AMOTL1: variants seen among roughly 807,000 people sequenced by gnomAD.
AMOTL1 encodes angiomotin like 1, also known as angiomotin-like protein 1.
AMOTL1 carries 45 observed loss-of-function variants against 102.9 expected under a neutral mutation model. That is an observed-to-expected ratio of 0.44 (90% confidence interval 0.34 to 0.56). AMOTL1 has a LOEUF of 0.56. AMOTL1 is among the 20% of genes least tolerant of loss of function. The pLI is 0.01. For synonymous variants in AMOTL1, 481 were observed against 484.7 expected, an observed-to-expected ratio of 0.99 and a Z score of 0.10; for missense variants, 1,114 against 1,225.6, an observed-to-expected ratio of 0.91 and a Z score of 1.36.
chr11:94,848,990 T>C lies in AMOTL1; in HGVS notation c.1649-1124T>C, dbSNP rs1187935393. Among the ~76,000 whole-genome samples the C allele has an allele frequency of 2.0e-5, 3 of 152,172 alleles. No individual in the cohort carries two copies. In the East Asian group the frequency reaches 5.8e-4, roughly 29 times the overall value. On this transcript the variant is annotated intron_variant, in intron 6 of 12. Coordinates refer to ENST00000433060, the MANE Select transcript of AMOTL1 (RefSeq NM_130847.3). Reference sequence around the variant, plus strand: ...CAGACTTGGGTTCTCTATGGTTCAGTGTGGGTTGCTAGGATTGAGATAGCC... The same window carrying C: ...CAGACTTGGGTTCTCTATGGTTCAGCGTGGGTTGCTAGGATTGAGATAGCC...
intron 2 of AMOTL1, chr11:94,740,081 A>G (rs556140113): frequency 6.6e-6 from 1 of 152,254 alleles, no homozygotes; most frequent in Admixed American, 6.5e-5. Flanking sequence ...CGGTTTCCCA[A>G]CCTGTGCAAT....
intron 1 of AMOTL1, among the ~76,000 whole-genome samples, chr11:94,724,611 G>T (rs1240245509): frequency 1.3e-5 from 2 of 152,106 alleles, no homozygotes; most frequent in Admixed American, 6.6e-5. Flanking sequence ...TTGGTATGTT[G>T]TTCTGTAATG....
intron 3 of AMOTL1, among the ~76,000 whole-genome samples, chr11:94,820,984 C>T (rs1951854681): frequency 6.6e-6 from 1 of 152,200 alleles, no homozygotes. Flanking sequence ...CCCTAATAGG[C>T]CACAGATGTG....
At chr11:94,827,834 A>C (rs1951994342) in intron 4 of AMOTL1, among the ~76,000 whole-genome samples, 1 of 152,124 alleles carries the variant, frequency 6.6e-6, no homozygotes. Flanking sequence ...TGCTGACCAC[A>C]GTATCTCTCA....
chr11:94,735,559 C>A (rs978709695), intron 2 of AMOTL1, among the ~76,000 whole-genome samples: 8 of 152,130 alleles, frequency 5.3e-5, no homozygotes, highest in Admixed American at 4.6e-4. Context: ...TACTTTCTTG[C>A]CTTCCTAAAC....
chr11:94,734,534 G>C (rs1033429867), intron 2 of AMOTL1, among the ~76,000 whole-genome samples: 2 of 152,206 alleles, frequency 1.3e-5, no homozygotes, highest in Admixed American at 1.3e-4. Flanking sequence ...GCATGTGTTT[G>C]TCCTATCTGT....
chr11:94,731,050 T>C (rs1359247477), intron 2 of AMOTL1, among the ~76,000 whole-genome samples: 2 of 152,196 alleles, frequency 1.3e-5, no homozygotes, highest in Non-Finnish European at 2.9e-5. Flanking sequence ...TATCCTTCTG[T>C]GAGTTTACCA....
chr11:94,816,231 C>T (rs970759756), intron 3 of AMOTL1, among the ~76,000 whole-genome samples: 4 of 152,060 alleles, frequency 2.6e-5, no homozygotes, highest in Admixed American at 6.6e-5. Context: ...TTTTGGCTCC[C>T]GTAAGTTTTA....
intron 1 of AMOTL1, among the ~76,000 whole-genome samples, chr11:94,717,876 A>G (rs925374733): frequency 6.6e-6 from 1 of 151,884 alleles, no homozygotes; most frequent in Admixed American, 6.6e-5. Context: ...TGTTCAGAAG[A>G]AAAGAAATAA....
Position 94,747,570 on chromosome 11 carries a change from C to A in AMOTL1, c.136+6582C>A, listed in dbSNP as rs554211021. ...TAAATATTTCCCAGTCTCCTCCTAC[C>A]CCCTTGTCCTCCAAAAATATGGGAT... On this transcript the variant is annotated intron_variant, in intron 3 of 4. Transcript: ENST00000299004. Among the ~76,000 whole-genome samples, 5 of 152,218 alleles carry A rather than the reference C, an allele frequency of 3.3e-5. No homozygotes were observed. In the South Asian group the frequency reaches 1.0e-3, roughly 32 times the overall value.
chr11:94,709,830 T>G (rs1223537466), intron 1 of AMOTL1, among the ~76,000 whole-genome samples: 5 of 152,124 alleles, frequency 3.3e-5, no homozygotes, highest in African/African-American at 1.2e-4. Flanking sequence ...GGGAACAAGG[T>G]AGTAACCTTG....
chr11:94,728,372 T>C (rs1475683125), intron 1 of AMOTL1, among the ~76,000 whole-genome samples: 1 of 152,132 alleles, frequency 6.6e-6, no homozygotes, highest in Non-Finnish European at 1.5e-5. Flanking sequence ...GGAAAATTGG[T>C]CTCCATGGTC....
intron 3 of AMOTL1, among the ~76,000 whole-genome samples, chr11:94,808,373 T>A (rs1315734507): frequency 2.0e-5 from 3 of 152,248 alleles, no homozygotes; most frequent in Non-Finnish European, 4.4e-5. Flanking sequence ...GGAAAATGTC[T>A]ATTTAGCCCC....
At position 94,760,769 on chromosome 11, in the gene AMOTL1, C is replaced by A. The variant is rs115887829; in HGVS notation, c.136+19781C>A. Among the ~76,000 whole-genome samples, 178 of 152,228 alleles carry A rather than the reference C, an allele frequency of 1.2e-3. 1 individual carries two copies. The highest frequency in any genetic ancestry group is 4.1e-3 in the African/African-American group (170 of 41,536). On this transcript the variant is annotated intron_variant, in intron 3 of 4. Coordinates refer to the AMOTL1 transcript ENST00000299004. ...TGTTTTAGTAAGACAAAGCCCATAC[C>A]AGGGTATTTGAGCATCTAGCAGAGT...
intron 3 of AMOTL1, among the ~76,000 whole-genome samples, chr11:94,747,904 A>G (rs1358024580): frequency 1.3e-5 from 2 of 152,032 alleles, no homozygotes; most frequent in East Asian, 1.9e-4. Context: ...ACTTCTCCTC[A>G]TTTTCCAAGG....
intron 1 of AMOTL1, among the ~76,000 whole-genome samples, chr11:94,722,196 A>G (rs1950184881): frequency 6.6e-6 from 1 of 152,120 alleles, no homozygotes; most frequent in African/African-American, 2.4e-5. Flanking sequence ...TAGAACTAGC[A>G]CATATCAATG....
chr11:94,717,082 G>T (rs1950110079), intron 1 of AMOTL1, among the ~76,000 whole-genome samples: 1 of 151,778 alleles, frequency 6.6e-6, no homozygotes, highest in South Asian at 2.1e-4. Context: ...GCTCAGCATG[G>T]GATATATGGG....
rs182762782 is a variant in AMOTL1, at chr11:94,806,072, G to C, written c.1121+5761G>C. Among the ~76,000 whole-genome samples, 206 of 152,318 alleles carry C rather than the reference G, an allele frequency of 1.4e-3. 1 individual carries two copies. The highest frequency in any genetic ancestry group is 1.9e-3 in the Non-Finnish European group (129 of 68,026). On this transcript the variant is annotated intron_variant, in intron 3 of 12. Coordinates refer to ENST00000433060, the MANE Select transcript of AMOTL1 (RefSeq NM_130847.3). ...ACCTGATTTCTTTTCATTGAGGATAGAGTCAGAGGCACTGACATTCTCTGG... is the reference window on the plus strand; with the variant it reads ...ACCTGATTTCTTTTCATTGAGGATACAGTCAGAGGCACTGACATTCTCTGG...
intron 11 of AMOTL1, among the ~76,000 whole-genome samples, chr11:94,867,344 G>A (rs897960170): frequency 1.3e-5 from 2 of 152,212 alleles, no homozygotes; most frequent in African/African-American, 4.8e-5. Context: ...CCCAGCTAGA[G>A]AGCTGGGAGG....
Sources: allele counts gnomAD v4.1 joint callset (sites outside exome capture counted in the v4.1 genomes callset), GRCh38; gene constraint gnomAD v4.1.1; transcripts MANE v1.5; gene names NCBI Gene and HGNC (gene_info 2026-07-23, HGNC 2026-07-21).